TBCD: variants seen among roughly 807,000 people sequenced by gnomAD.
TBCD encodes tubulin-specific chaperone D.
In TBCD, 105 loss-of-function variants were observed where a neutral mutation model predicts 169.3. That is an observed-to-expected ratio of 0.62 (90% confidence interval 0.53 to 0.73). TBCD has a LOEUF of 0.73. Ranked by LOEUF, TBCD falls within the 30% of genes least tolerant of loss-of-function variation. The pLI is 0.00. For missense variants in TBCD, 1,444 were observed against 1,600.1 expected (o/e 0.90, Z 1.66); for synonymous variants, 700 against 643.9 (o/e 1.09, Z -1.32).
intron 13 of TBCD, chr17:82,859,977 T>G (rs1194897618): frequency 2.4e-6 from 2 of 823,452 alleles, no homozygotes; most frequent in African/African-American, 3.7e-5. Context: ...TTGGGCTTCA[T>G]GTGTCCTTGG....
intron 13 of TBCD, chr17:82,859,796 C>T (rs1248712818): frequency 3.0e-6 from 3 of 985,434 alleles, no homozygotes; most frequent in East Asian, 2.3e-4. Flanking sequence ...ACCTGTCCTG[C>T]CTGTTCATGG....
At chr17:82,767,910 C>T (rs771320911) in intron 4 of TBCD, among the ~76,000 whole-genome samples, 2 of 151,540 alleles carry the variant, frequency 1.3e-5, no homozygotes, top group African/African-American at 2.4e-5. Flanking sequence ...AGCGAGGTTG[C>T]GCCACTGCAC....
Position 82,892,431 on chromosome 17 carries a change from A to G in TBCD, c.1564-1116A>G, listed in dbSNP as rs139232199. ...GTCACTGATTGCAGCAGCCTCAGGC[A>G]GAAGTTTATGGTATCTCCATCAGCC... On this transcript the variant is annotated intron_variant, in intron 16 of 38. Coordinates refer to ENST00000355528, the MANE Select transcript of TBCD (RefSeq NM_005993.5). Among the ~76,000 whole-genome samples, 553 of 152,218 alleles carry G rather than the reference A, an allele frequency of 3.6e-3. 2 individuals are homozygous for G. Among genetic ancestry groups the G allele is most frequent in the African/African-American group, 0.013 (533 of 41,538 alleles).
intron 13 of TBCD, among the ~76,000 whole-genome samples, chr17:82,824,314 T>A (rs1461937559): frequency 1.3e-5 from 2 of 151,906 alleles, no homozygotes; most frequent in Admixed American, 6.6e-5. Context: ...CCTGAGTAGC[T>A]GGGACTACAG....
chr17:82,758,303 G>A (rs190895652), intron 2 of TBCD, among the ~76,000 whole-genome samples: 2 of 138,864 alleles, frequency 1.4e-5, no homozygotes, highest in African/African-American at 5.3e-5. Context: ...AGAATTGCCC[G>A]AACCCAGGAG....
chr17:82,887,713 C>T (rs1013698860), intron 15 of TBCD, among the ~76,000 whole-genome samples: 2 of 152,182 alleles, frequency 1.3e-5, no homozygotes, highest in African/African-American at 4.8e-5. Context: ...CGCACCACCA[C>T]CTGCCCGCAG....
At position 82,905,996 on chromosome 17, in the gene TBCD, T is replaced by G. The variant is rs1260787757; in HGVS notation, c.1865T>G (p.Ile622Ser). Reference protein sequence around the residue: ...SPDLHMRHGSILACAEVAYAL... With the variant: ...SPDLHMRHGSSLACAEVAYAL... ...GATCTTCACATGAGGCATGGGTCGATTCTCGCCTGCGCAGAAGTTGCTTAC... is the reference window on the plus strand; with the variant it reads ...GATCTTCACATGAGGCATGGGTCGAGTCTCGCCTGCGCAGAAGTTGCTTAC... Residue 622 changes from isoleucine to serine, a missense_variant, in exon 20 of 39, where the codon ATT becomes AGT. Coordinates refer to ENST00000355528, the MANE Select transcript of TBCD (RefSeq NM_005993.5). 2 of 1,613,146 alleles carry G rather than the reference T, an allele frequency of 1.2e-6. No homozygotes were observed. The highest frequency in any genetic ancestry group is 1.7e-6 in the Non-Finnish European group (2 of 1,179,628).
intron 33 of TBCD, among the ~76,000 whole-genome samples, chr17:82,932,424 C>T (rs372380848): frequency 1.2e-3 from 180 of 152,336 alleles, no homozygotes; most frequent in Non-Finnish European, 2.1e-3. Context: ...GCACCAGGGC[C>T]GTGCTGTTTC....
At position 82,768,410 on chromosome 17, in the gene TBCD, A is replaced by C. The variant is rs1366834757; in HGVS notation, c.436-10A>C. 1 of 1,613,522 alleles carries C rather than the reference A, an allele frequency of 6.2e-7. No homozygotes were observed. The highest frequency in any genetic ancestry group is 1.7e-5 in the Admixed American group (1 of 59,962). On this transcript the variant is annotated splice_polypyrimidine_tract_variant and intron_variant, in intron 4 of 38. Coordinates refer to ENST00000355528, the MANE Select transcript of TBCD (RefSeq NM_005993.5). Reference sequence around the variant, plus strand: ...GCAAGACTCATTCTTCCCGTGGTTTAATTTTTTAGGCTTGGGAAACCCGCT... The same window carrying C: ...GCAAGACTCATTCTTCCCGTGGTTTCATTTTTTAGGCTTGGGAAACCCGCT...
At chr17:82,771,705 C>G (rs9892459) in intron 5 of TBCD, among the ~76,000 whole-genome samples, 2 of 152,044 alleles carry the variant, frequency 1.3e-5, no homozygotes, top group Non-Finnish European at 2.9e-5. Flanking sequence ...AGGCGTGAGC[C>G]GCAGTGCCCA....
chr17:82,846,577 A>G (rs2055141684), intron 13 of TBCD, among the ~76,000 whole-genome samples: 1 of 152,104 alleles, frequency 6.6e-6, no homozygotes, highest in Admixed American at 6.5e-5. Context: ...AGACTGTCCT[A>G]GATTTCGGAG....
chr17:82,775,572 G>A (rs1028862970), intron 6 of TBCD, among the ~76,000 whole-genome samples: 8 of 152,056 alleles, frequency 5.3e-5, no homozygotes, highest in Non-Finnish European at 8.8e-5. Context: ...GCTTCTCCCT[G>A]TATCACTGGC....
rs1352934251 is a variant in TBCD, at chr17:82,929,355, C to A, written c.2853-7C>A. The A allele has an allele frequency of 1.2e-6, 2 of 1,612,276 alleles. No individual in the cohort carries two copies. On this transcript the variant is annotated splice_polypyrimidine_tract_variant and splice_region_variant and intron_variant, in intron 31 of 38. Transcript: ENST00000355528. ...AGCCCGGCCTTGTCTCACTCACTCT[C>A]TTGCAGGTCCGATGTGGCCTCCGTG... is the stretch of plus-strand genomic sequence containing the variant.
Position 82,831,513 on chromosome 17 carries a change from G to A in TBCD, c.1318+16579G>A. ...TGTAAAATCCGTAAGGAATCGGCAG[G>A]TTAGAGGGATATTGCTGGAAAAACC... On this transcript the variant is annotated intron_variant, in intron 13 of 38. Transcript: ENST00000355528. The surrounding 1 kb of genome is among the most constrained non-coding windows in gnomAD (Gnocchi z 4.6). 6.2e-7 allele frequency: 1 copy of A among 1,614,170 alleles called. No homozygotes were observed. Among genetic ancestry groups the A allele is most frequent in the Non-Finnish European group, 8.5e-7 (1 of 1,180,028 alleles).
At position 82,782,362 on chromosome 17, in the gene TBCD, A is replaced by T. The variant is rs1444508432; in HGVS notation, c.771+641A>T. ...TCAGCCTTCTGGAGGGGGAGCCGGC[A>T]GCCGGCTGTGGCCTTTGGCGTGGTG... On this transcript the variant is annotated intron_variant, in intron 7 of 38. Coordinates refer to ENST00000355528, the MANE Select transcript of TBCD (RefSeq NM_005993.5). The surrounding 1 kb of genome is among the most constrained non-coding windows in gnomAD (Gnocchi z 5.1). Among the ~76,000 whole-genome samples, 1 of 152,248 alleles carries T rather than the reference A, an allele frequency of 6.6e-6. No homozygotes were observed. The highest frequency in any genetic ancestry group is 1.5e-5 in the Non-Finnish European group (1 of 68,034).
At chr17:82,837,966 A>G (rs2054127348) in intron 13 of TBCD, among the ~76,000 whole-genome samples, 1 of 152,248 alleles carries the variant, frequency 6.6e-6, no homozygotes, top group Non-Finnish European at 1.5e-5. Flanking sequence ...AGCTTTCACC[A>G]GGCTTTTCTT....
At chr17:82,899,222 G>GTGTCCTCAGCGCA (rs368797152) in intron 17 of TBCD, among the ~76,000 whole-genome samples, 2 of 148,034 alleles carry the variant, frequency 1.4e-5, no homozygotes, top group South Asian at 4.3e-4. Context: ...TCCTCAGCAT[G>GTGTCCTCAGCGCA]TGTCCTCAGC....
rs924970859 is a variant in TBCD at position 82,805,821 on chromosome 17, C to T, written c.951-54C>T. On this transcript the variant is annotated intron_variant, in intron 9 of 38. Coordinates refer to ENST00000355528, the MANE Select transcript of TBCD (RefSeq NM_005993.5). ...GTGACACTGAATGACTGGTTCCAGT[C>T]ATCAGGATGCTGTGAGCTACAAAGC... The T allele has an allele frequency of 5.1e-6, 8 of 1,562,922 alleles. 1 individual carries two copies. The South Asian group carries it at 9.2e-5, about 18-fold the overall frequency.
chr17:82,763,896 C>T, intron 2 of TBCD, 69 bp from the exon 3 acceptor site: 3 of 1,354,508 alleles, frequency 2.2e-6, no homozygotes, highest in Non-Finnish European at 3.1e-6. Context: ...TGAGCCACCA[C>T]ACCTGGCCGG....
Sources: gnomAD v4.1 joint callset for allele counts (sites outside exome capture counted in the v4.1 genomes callset) on GRCh38, gnomAD v4.1.1 for gene constraint, Gnocchi (gnomAD v3.1) non-coding constraint, MANE v1.5 for transcripts, NCBI Gene and HGNC (gene_info 2026-07-23, HGNC 2026-07-21) for gene names.